Variants in NUBPL observed in about 807,000 individuals in gnomAD.
NUBPL encodes the protein iron-sulfur cluster transfer protein NUBPL.
Under a neutral mutation model 45.7 loss-of-function variants are expected in NUBPL, and 31 were observed. The ratio of observed to expected loss-of-function variants is 0.68; its 90% CI spans 0.51 to 0.92. The LOEUF (loss-of-function observed/expected upper bound fraction) is 0.92, where lower values mean the gene tolerates loss of function less well. Among genes scored for constraint, NUBPL ranks in the 40% least tolerant of loss-of-function variants. The pLI is 0.00. For synonymous variants in NUBPL, 144 were observed against 140.9 expected (o/e 1.02, Z -0.15); for missense variants, 401 against 398.7 (o/e 1.01, Z -0.05).
intron 7 of NUBPL, among the ~76,000 whole-genome samples, chr14:31,811,912 C>T (rs1333684650): frequency 1.3e-5 from 2 of 152,186 alleles, no homozygotes; most frequent in Non-Finnish European, 2.9e-5. Flanking sequence ...TGCTAGAAGT[C>T]CACTTCAGAC....
rs568848605 is a variant in NUBPL, at chr14:31,854,023, A to G, written c.897+3822A>G. On this transcript the variant is annotated intron_variant, in intron 10 of 10. Transcript: ENST00000281081. ...AATATTAGCTACAGAAAGATGTGCT[A>G]TAAGATATTCCTGGTAAAGACTTTC... Among the ~76,000 whole-genome samples the G allele has an allele frequency of 6.6e-5, 10 of 152,360 alleles. No homozygotes were observed. The South Asian group carries it at 1.4e-3, about 22-fold the overall frequency.
At chr14:31,703,633 GACTTATTC>G in intron 6 of NUBPL, among the ~76,000 whole-genome samples, 1 of 152,200 alleles carries the variant, frequency 6.6e-6, no homozygotes, top group Non-Finnish European at 1.5e-5. Flanking sequence ...GATCTTGTGA[GACTTATTC>G]ACTGTCTTGA....
At chr14:31,568,601 A>G (rs1407617824) in intron 3 of NUBPL, among the ~76,000 whole-genome samples, 1 of 152,232 alleles carries the variant, frequency 6.6e-6, no homozygotes, top group Non-Finnish European at 1.5e-5. Context: ...CAGGAATGCT[A>G]CGTTTTCTAG....
chr14:31,813,675 A>G (rs7147535), intron 7 of NUBPL, among the ~76,000 whole-genome samples: 8,320 of 152,060 alleles, frequency 0.055, 651 homozygotes, highest in African/African-American at 0.18. Flanking sequence ...TCCTAATGCT[A>G]TCTCTCCCCT....
At position 31,826,671 on chromosome 14, in the gene NUBPL, A is replaced by C; in HGVS notation, c.650A>C (p.Asp217Ala). 6.2e-7 allele frequency: 1 copy of C among 1,614,174 alleles called. No homozygotes were observed. The highest frequency in any genetic ancestry group is 8.5e-7 in the Non-Finnish European group (1 of 1,180,002). ...VSTPQDIALMDAHKGAEMFRR... is the reference protein window; with the variant it reads ...VSTPQDIALMAAHKGAEMFRR... ...ACGCCCCAGGACATCGCATTGATGG[A>C]TGCACACAAGGGTGCTGAGATGTTT... Residue 217 changes from aspartate to alanine, a missense_variant, in exon 8 of 11, where the codon GAT becomes GCT. By Grantham distance (126) the Asp-to-Ala change is moderately radical. Coordinates refer to ENST00000281081, the MANE Select transcript of NUBPL (RefSeq NM_025152.3).
chr14:31,708,159 C>T (rs965642381), intron 6 of NUBPL, among the ~76,000 whole-genome samples: 2 of 152,192 alleles, frequency 1.3e-5, no homozygotes, highest in Non-Finnish European at 2.9e-5. Flanking sequence ...TTGGACTAGT[C>T]TCCACTGACT....
chr14:31,710,693 CT>C (rs1303466236), intron 6 of NUBPL, among the ~76,000 whole-genome samples: 11 of 152,172 alleles, frequency 7.2e-5, no homozygotes, highest in African/African-American at 2.7e-4. Flanking sequence ...GGGCCATACC[CT>C]GATGGAGGGA....
intron 6 of NUBPL, among the ~76,000 whole-genome samples, chr14:31,778,630 A>G (rs2039138065): frequency 1.3e-5 from 2 of 152,216 alleles, no homozygotes; most frequent in African/African-American, 4.8e-5. Context: ...TTTTCCAGTA[A>G]GGTTTAACTA....
chr14:31,619,252 T>G (rs939764731), intron 4 of NUBPL, among the ~76,000 whole-genome samples: 1 of 152,198 alleles, frequency 6.6e-6, no homozygotes, highest in Non-Finnish European at 1.5e-5. Flanking sequence ...TGTCAGTCTG[T>G]GTGTTTTAAT....
intron 8 of NUBPL, among the ~76,000 whole-genome samples, chr14:31,831,530 A>G (rs1566587979): frequency 1.8e-5 from 2 of 112,818 alleles, no homozygotes; most frequent in African/African-American, 6.6e-5. Context: ...TACTCATACT[A>G]TAAGCTCTAT....
At chr14:31,760,900 G>A (rs886916208) in intron 6 of NUBPL, among the ~76,000 whole-genome samples, 13 of 151,450 alleles carry the variant, frequency 8.6e-5, no homozygotes, top group African/African-American at 3.1e-4. Context: ...GTGCAGTGGT[G>A]TAGTTATGGC....
At chr14:31,606,000 CCTT>C (rs1335144302) in intron 4 of NUBPL, among the ~76,000 whole-genome samples, 2 of 150,150 alleles carry the variant, frequency 1.3e-5, no homozygotes, top group East Asian at 2.0e-4. Flanking sequence ...CCTCCCTTCT[CCTT>C]CTTCCTTTTC....
chr14:31,578,717 C>G (rs552718573), intron 3 of NUBPL, among the ~76,000 whole-genome samples: 2 of 152,156 alleles, frequency 1.3e-5, no homozygotes. Flanking sequence ...CAGAAAGTCT[C>G]TCTCTCTTGT....
intron 4 of NUBPL, among the ~76,000 whole-genome samples, chr14:31,654,494 C>T (rs552147891): frequency 4.0e-5 from 6 of 151,542 alleles, no homozygotes; most frequent in Non-Finnish European, 5.9e-5. Context: ...CTGCAAGCTC[C>T]GCCTCCTGGG....
intron 6 of NUBPL, among the ~76,000 whole-genome samples, chr14:31,757,243 T>A (rs7494569): frequency 0.32 from 42,080 of 129,552 alleles, 7,609 homozygotes; most frequent in South Asian, 0.49. Context: ...ATTCCCTCTT[T>A]TTCTGTTGAT....
At chr14:31,609,262 C>T (rs550263383) in intron 4 of NUBPL, among the ~76,000 whole-genome samples, 2 of 152,022 alleles carry the variant, frequency 1.3e-5, no homozygotes, top group Non-Finnish European at 2.9e-5. Context: ...CAAAAAAGAG[C>T]AGGAGTTGCT....
intron 6 of NUBPL, among the ~76,000 whole-genome samples, chr14:31,726,458 T>C (rs970458706): frequency 2.6e-5 from 4 of 152,220 alleles, no homozygotes; most frequent in Non-Finnish European, 4.4e-5. Flanking sequence ...GAATGAATGC[T>C]CTATCAGTGG....
chr14:31,846,516 T>G lies in NUBPL; in HGVS notation c.739T>G (p.Cys247Gly). ...CATGAGTGTTTTCCAGTGTCCAAAA[T>G]GTAAACACAAAACTCATATTTTTGG... ...QNMSVFQCPKCKHKTHIFGAD... is the reference protein window; with the variant it reads ...QNMSVFQCPKGKHKTHIFGAD... The change falls in exon 9 of 11, where the codon TGT becomes GGT. Residue 247 changes from cysteine to glycine, a missense_variant. By Grantham distance (159) the Cys-to-Gly change is radical. Transcript: ENST00000281081. The G allele has an allele frequency of 6.2e-7, 1 of 1,613,400 alleles. No homozygotes were observed. Among genetic ancestry groups the G allele is most frequent in the Non-Finnish European group, 8.5e-7 (1 of 1,179,672 alleles).
intron 6 of NUBPL, among the ~76,000 whole-genome samples, chr14:31,697,652 A>C (rs771677861): frequency 6.6e-6 from 1 of 152,246 alleles, no homozygotes; most frequent in Non-Finnish European, 1.5e-5. Context: ...GCATGACTTC[A>C]TCTCTGACCA....
Sources: allele counts gnomAD v4.1 joint callset (sites outside exome capture counted in the v4.1 genomes callset), GRCh38; gene constraint gnomAD v4.1.1; transcripts MANE v1.5; gene names NCBI Gene and HGNC (gene_info 2026-07-23, HGNC 2026-07-21).